The following PKP4 variants were observed in gnomAD, a reference collection of about 807,000 sequenced individuals.
PKP4 encodes the protein plakophilin-4.
In PKP4, 90 loss-of-function variants were observed where a neutral mutation model predicts 145.1. That is an observed-to-expected ratio of 0.62 (90% CI 0.52 to 0.74). The LOEUF (loss-of-function observed/expected upper bound fraction) is 0.74. Among genes scored for constraint, PKP4 ranks in the 30% least tolerant of loss-of-function variants. The pLI, the probability that PKP4 is intolerant of heterozygous loss-of-function variation, is 0.00. For synonymous variants in PKP4, 563 were observed against 577.2 expected (o/e 0.98, Z 0.35); for missense variants, 1,340 against 1,482.7 (o/e 0.90, Z 1.58).
chr2:158,679,257 C>T (rs191573561), intron 21 of PKP4: 102 of 154,160 alleles, frequency 6.6e-4, no homozygotes, highest in South Asian at 2.2e-3. Flanking sequence ...AGTGCCATGG[C>T]GAACTTGGAC....
At chr2:158,537,559 G>A (rs551945717) in intron 2 of PKP4, among the ~76,000 whole-genome samples, 6 of 152,300 alleles carry the variant, frequency 3.9e-5, no homozygotes, top group Admixed American at 2.0e-4. Context: ...CCACCTGGCT[G>A]TAATTAGGAT....
At chr2:158,497,505 A>G (rs757525272) in intron 1 of PKP4, among the ~76,000 whole-genome samples, 4 of 152,122 alleles carry the variant, frequency 2.6e-5, no homozygotes, top group Non-Finnish European at 5.9e-5. Context: ...TTTTCTTTTA[A>G]TTCTCTAAAA....
chr2:158,598,323 T>C (rs1160802996), intron 3 of PKP4, among the ~76,000 whole-genome samples: 1 of 152,160 alleles, frequency 6.6e-6, no homozygotes, highest in Admixed American at 6.5e-5. Flanking sequence ...GGAAATGGCA[T>C]GGCAGAATTA....
chr2:158,591,268 A>C (rs886379002), intron 3 of PKP4, among the ~76,000 whole-genome samples: 1 of 152,106 alleles, frequency 6.6e-6, no homozygotes, highest in Admixed American at 6.6e-5. Flanking sequence ...GGGAATATGA[A>C]TACTGACTAG....
chr2:158,674,570 G>A (rs997637759), intron 19 of PKP4, among the ~76,000 whole-genome samples: 10 of 152,202 alleles, frequency 6.6e-5, no homozygotes, highest in Admixed American at 3.9e-4. Flanking sequence ...AGGCCTTACA[G>A]TGTGGGTCTG....
chr2:158,546,542 A>G (rs74595671), intron 2 of PKP4, among the ~76,000 whole-genome samples: 5,812 of 152,334 alleles, frequency 0.038, 166 homozygotes, highest in Non-Finnish European at 0.063. Context: ...TGAGAGAAGT[A>G]GCACCATAGG....
intron 1 of PKP4, among the ~76,000 whole-genome samples, chr2:158,490,828 G>A (rs190053288): frequency 5.9e-5 from 9 of 152,222 alleles, no homozygotes; most frequent in Non-Finnish European, 1.3e-4. Context: ...TCTTTAGTTG[G>A]ATGTTAGGGA....
rs112890651 is a variant in PKP4, at chr2:158,661,414, C to A, written c.2175C>A (p.Ile725=). Reference sequence around the variant, plus strand: ...TGGTAGACTCACTGTTGTATGTGATCCACACGTGTGTGAACACATCCGATT... The same window carrying A: ...TGGTAGACTCACTGTTGTATGTGATACACACGTGTGTGAACACATCCGATT... ...EGLVDSLLYV[I]HTCVNTSDYD... is the part of the protein sequence containing the mutation. The change falls in exon 13 of 22, where the codon ATC becomes ATA. Residue 725 remains isoleucine (I), a synonymous_variant. Coordinates refer to ENST00000389759, the MANE Select transcript of PKP4 (RefSeq NM_003628.6). 1.2e-6 allele frequency: 2 copies of A among 1,613,194 alleles called. No homozygotes were observed. The highest frequency in any genetic ancestry group is 1.7e-6 in the Non-Finnish European group (2 of 1,179,322).
intron 2 of PKP4, among the ~76,000 whole-genome samples, chr2:158,539,065 G>C (rs1426364653): frequency 6.6e-6 from 1 of 152,170 alleles, no homozygotes; most frequent in African/African-American, 2.4e-5. Flanking sequence ...TTCCTCATCT[G>C]TGTGGCTCTT....
chr2:158,511,385 CA>C (rs879939274), intron 1 of PKP4, among the ~76,000 whole-genome samples: 25 of 141,176 alleles, frequency 1.8e-4, no homozygotes, highest in Admixed American at 7.0e-4. Flanking sequence ...AATTCTGTCT[CA>C]AAAAAAAAAA....
chr2:158,468,185 A>G (rs1690957247), intron 1 of PKP4, among the ~76,000 whole-genome samples: 1 of 152,216 alleles, frequency 6.6e-6, no homozygotes, highest in Non-Finnish European at 1.5e-5. Context: ...TTCTTTCTAC[A>G]TTATGCACTG....
Position 158,631,736 on chromosome 2 carries a change from A to T in PKP4, c.1154-17A>T. The T allele has an allele frequency of 1.2e-6, 2 of 1,608,292 alleles. No individual in the cohort carries two copies. Among genetic ancestry groups the T allele is most frequent in the South Asian group, 1.1e-5 (1 of 90,966 alleles). On this transcript the variant is annotated splice_polypyrimidine_tract_variant and intron_variant, in intron 7 of 21. Coordinates refer to ENST00000389759, the MANE Select transcript of PKP4 (RefSeq NM_003628.6). ...TGATTGTCTCAGTTCTTAACGATGT[A>T]ATTTTTGTGCCTCTAGGCTTACGGA...
intron 1 of PKP4, among the ~76,000 whole-genome samples, chr2:158,463,210 C>T (rs939836751): frequency 2.6e-5 from 4 of 152,058 alleles, no homozygotes; most frequent in African/African-American, 9.7e-5. Context: ...AGGCATTAAC[C>T]ACCGCTAGCC....
At chr2:158,569,162 G>A (rs190505587) in intron 2 of PKP4, among the ~76,000 whole-genome samples, 223 of 152,294 alleles carry the variant, frequency 1.5e-3, no homozygotes, top group Non-Finnish European at 2.6e-3. Context: ...ATGAGAGCCT[G>A]AGTCTTAGAA....
chr2:158,564,091 G>A (rs2105746024), intron 2 of PKP4, among the ~76,000 whole-genome samples: 1 of 151,882 alleles, frequency 6.6e-6, no homozygotes, highest in South Asian at 2.1e-4. Context: ...ACAATTAAAA[G>A]AGATAATATA....
In PKP4 at chr2:158,511,007, G is replaced by A. The variant is rs140498443; in HGVS notation, c.-5-22173G>A. On this transcript the variant is annotated intron_variant, in intron 1 of 21. Transcript: ENST00000389759. ...TGTTGTGCCAGACCACAGAGTGGTA[G>A]GGGAAGGCCTCTGTGAGCCTGAGTA... 2.1e-3 allele frequency among the ~76,000 whole-genome samples: 323 copies of A among 152,338 alleles called. 1 individual carries two copies. The highest frequency in any genetic ancestry group is 7.5e-3 in the African/African-American group (311 of 41,582).
At chr2:158,665,406 T>C (rs977164240) in intron 15 of PKP4, among the ~76,000 whole-genome samples, 2 of 152,246 alleles carry the variant, frequency 1.3e-5, no homozygotes, top group African/African-American at 4.8e-5. Flanking sequence ...AATGCATCTT[T>C]CCCTCTTATT....
At chr2:158,563,923 G>A (rs1216339554) in intron 2 of PKP4, among the ~76,000 whole-genome samples, 1 of 152,108 alleles carries the variant, frequency 6.6e-6, no homozygotes, top group Non-Finnish European at 1.5e-5. Flanking sequence ...AAAAATATCA[G>A]TTGTCCACTC....
At chr2:158,531,784 G>A (rs2043572879) in intron 1 of PKP4, among the ~76,000 whole-genome samples, 1 of 152,144 alleles carries the variant, frequency 6.6e-6, no homozygotes, top group Admixed American at 6.5e-5. Context: ...GATCCTGCCT[G>A]CAGTTCAAAG....
Sources: gnomAD v4.1 joint callset for allele counts (sites outside exome capture counted in the v4.1 genomes callset) on GRCh38, gnomAD v4.1.1 for gene constraint, MANE v1.5 for transcripts, NCBI Gene and HGNC (gene_info 2026-07-23, HGNC 2026-07-21) for gene names.